Variants in DMXL1 observed in about 807,000 individuals in gnomAD.
The protein encoded by DMXL1 is dmX-like protein 1.
In DMXL1, 99 loss-of-function variants were observed where a neutral mutation model predicts 319.2. That is an observed-to-expected ratio of 0.31 (90% CI 0.26 to 0.37). DMXL1 has a LOEUF of 0.37. Among genes scored for constraint, DMXL1 ranks in the 10% least tolerant of loss-of-function variants. The pLI is 1.00. For missense variants in DMXL1, 3,745 were observed against 3,595.6 expected (o/e 1.04, Z -1.06); for synonymous variants, 1,385 against 1,235.2 (o/e 1.12, Z -2.54).
intron 34 of DMXL1, among the ~76,000 whole-genome samples, chr5:119,208,829 C>T (rs1782229694): frequency 6.6e-6 from 1 of 152,132 alleles, no homozygotes; most frequent in African/African-American, 2.4e-5. Context: ...CCATCAGTCC[C>T]CAGAATTTAA....
At chr5:119,135,945 A>T (rs1320712486) in intron 13 of DMXL1, among the ~76,000 whole-genome samples, 1 of 152,234 alleles carries the variant, frequency 6.6e-6, no homozygotes, top group Non-Finnish European at 1.5e-5. Context: ...GCGGTGTTGG[A>T]ACTGGGTAAC....
chr5:119,113,437 T>G (rs569316511), intron 5 of DMXL1, among the ~76,000 whole-genome samples: 5 of 152,160 alleles, frequency 3.3e-5, no homozygotes. Flanking sequence ...GAGATGGGGT[T>G]TCATCATGTT....
chr5:119,085,386 T>C (rs1753138168), intron 1 of DMXL1, among the ~76,000 whole-genome samples: 1 of 151,642 alleles, frequency 6.6e-6, no homozygotes. Context: ...TAATTAATTC[T>C]GGATTTTTTC....
chr5:119,143,956 T>C, intron 14 of DMXL1, 26 bp downstream of exon 14: 1 of 1,421,580 alleles, frequency 7.0e-7, no homozygotes, highest in South Asian at 1.3e-5. Context: ...GGGGGGGAGG[T>C]ATATTAAAAA....
intron 4 of DMXL1, among the ~76,000 whole-genome samples, chr5:119,109,489 G>T (rs560204072): frequency 1.1e-3 from 163 of 152,232 alleles, no homozygotes; most frequent in Non-Finnish European, 2.0e-3. Context: ...TCCAAACGCT[G>T]TGAACTTGAA....
At chr5:119,119,033 C>CA in intron 8 of DMXL1, 29 bp downstream of exon 8, 1 of 1,528,282 alleles carries the variant, frequency 6.5e-7, no homozygotes, top group African/African-American at 1.4e-5. Context: ...TTACTTACTA[C>CA]AAGTTTTAAA....
intron 10 of DMXL1, among the ~76,000 whole-genome samples, chr5:119,131,409 C>T (rs1764867666): frequency 6.6e-6 from 1 of 152,068 alleles, no homozygotes; most frequent in Non-Finnish European, 1.5e-5. Flanking sequence ...ACCATAAATG[C>T]ATTTCCTTGA....
intron 1 of DMXL1, among the ~76,000 whole-genome samples, chr5:119,076,864 A>T (rs1488550286): frequency 1.3e-5 from 2 of 152,162 alleles, no homozygotes; most frequent in Non-Finnish European, 2.9e-5. Flanking sequence ...GATAGCACAC[A>T]TGTGACTCAA....
At chr5:119,215,868 G>T (rs1384774602) in intron 34 of DMXL1, among the ~76,000 whole-genome samples, 1 of 151,954 alleles carries the variant, frequency 6.6e-6, no homozygotes, top group Non-Finnish European at 1.5e-5. Context: ...GGCCAAGGTG[G>T]CCAAATCACC....
At chr5:119,178,792 T>C (rs1319369535) in intron 28 of DMXL1, 2 of 331,370 alleles carry the variant, frequency 6.0e-6, no homozygotes, top group African/African-American at 2.2e-5. Flanking sequence ...TTGGCATTTA[T>C]AGAAAATTGA....
At chr5:119,146,151 C>T (rs1355418828) in intron 15 of DMXL1, among the ~76,000 whole-genome samples, 1 of 151,830 alleles carries the variant, frequency 6.6e-6, no homozygotes. Flanking sequence ...CCTGCTTTCT[C>T]ATGTTTTACA....
chr5:119,195,152 G>A (rs75193964), intron 30 of DMXL1, among the ~76,000 whole-genome samples: 4,079 of 152,130 alleles, frequency 0.027, 169 homozygotes, highest in African/African-American at 0.093. Flanking sequence ...TGGTGGGAAC[G>A]TAAAATCGTG....
rs1350905866 is a variant in DMXL1, at chr5:119,171,153, A to G, written c.6362A>G (p.Gln2121Arg). ...QLRENFQEKR[Q>R]WLLKYQSLLR... Reference sequence around the variant, plus strand: ...AGAGAAAATTTTCAGGAAAAAAGACAGTGGCTCTTGAAGTATCAGTCACTT... The same window carrying G: ...AGAGAAAATTTTCAGGAAAAAAGACGGTGGCTCTTGAAGTATCAGTCACTT... Residue 2121 changes from glutamine (Q) to arginine (R), a missense_variant, in exon 24 of 44, where the codon CAG becomes CGG. By Grantham distance (43) the Gln-to-Arg change is conservative (BLOSUM62 1). Transcript: ENST00000539542. The G allele has an allele frequency of 4.3e-6, 7 of 1,613,932 alleles. No individual in the cohort carries two copies.
chr5:119,189,695 T>G lies in DMXL1; in HGVS notation c.7136-13T>G. 2 of 1,612,208 alleles carry G rather than the reference T, an allele frequency of 1.2e-6. No individual in the cohort carries two copies. Among genetic ancestry groups the G allele is most frequent in the Non-Finnish European group, 1.7e-6 (2 of 1,178,570 alleles). On this transcript the variant is annotated splice_polypyrimidine_tract_variant and intron_variant, in intron 28 of 43. Coordinates refer to ENST00000539542, the MANE Select transcript of DMXL1 (RefSeq NM_001290321.3). ...AATAGTACTTCAGTAACATTTTATT[T>G]TCTTTTTGTTAGTTTCTTCACTAGT...
chr5:119,131,503 C>T (rs1764888276), intron 10 of DMXL1, among the ~76,000 whole-genome samples: 1 of 152,136 alleles, frequency 6.6e-6, no homozygotes, highest in Admixed American at 6.5e-5. Context: ...TTTGGATAAA[C>T]CTGGTACTTT....
intron 1 of DMXL1, among the ~76,000 whole-genome samples, chr5:119,097,576 G>A (rs1473171613): frequency 6.6e-6 from 1 of 152,140 alleles, no homozygotes; most frequent in Admixed American, 6.6e-5. Context: ...AACTAGCCGG[G>A]CGTGGTGGTG....
At chr5:119,201,588 T>A (rs1465007932) in intron 32 of DMXL1, among the ~76,000 whole-genome samples, 3 of 152,198 alleles carry the variant, frequency 2.0e-5, no homozygotes, top group African/African-American at 7.2e-5. Flanking sequence ...CTTCATAGAA[T>A]TAGGTGTGAA....
intron 25 of DMXL1, among the ~76,000 whole-genome samples, chr5:119,175,031 T>C (rs1775523660): frequency 6.6e-6 from 1 of 152,164 alleles, no homozygotes; most frequent in Admixed American, 6.5e-5. Flanking sequence ...AGGTAGCAAA[T>C]GTGTGTTTTA....
intron 26 of DMXL1, among the ~76,000 whole-genome samples, chr5:119,176,033 T>A (rs962821083): frequency 8.5e-5 from 13 of 152,062 alleles, no homozygotes; most frequent in Admixed American, 1.3e-4. Flanking sequence ...CTATATTCCA[T>A]TTCTTTATCT....
Sources: allele counts gnomAD v4.1 joint callset (sites outside exome capture counted in the v4.1 genomes callset), GRCh38; gene constraint gnomAD v4.1.1; transcripts MANE v1.5; gene names NCBI Gene and HGNC (gene_info 2026-07-23, HGNC 2026-07-21).